Variants in PTPMT1 observed in about 807,000 individuals in gnomAD.
The protein encoded by PTPMT1 is protein tyrosine phosphatase mitochondrial 1.
Under a neutral mutation model 17.8 loss-of-function variants are expected in PTPMT1, and 12 were observed. The observed-to-expected ratio is 0.67, with a 90% CI of 0.43 to 1.09. PTPMT1 has a LOEUF of 1.09. Ranked by LOEUF, PTPMT1 falls within the 50% of genes least tolerant of loss-of-function variation. The probability of loss-of-function intolerance (pLI) is 0.00; values close to 1 mark genes in which losing one functional copy is unlikely to be tolerated. For synonymous variants in PTPMT1, 132 were observed against 116.8 expected (o/e 1.13, Z -0.84); for missense variants, 262 against 266.0 (o/e 0.99, Z 0.10).
chr11:47,567,828 G>C (rs1216905854), intron 2 of PTPMT1, among the ~76,000 whole-genome samples: 2 of 152,060 alleles, frequency 1.3e-5, no homozygotes, highest in Non-Finnish European at 2.9e-5. Context: ...TCAAAATCTG[G>C]GATTACAGGC....
At chr11:47,565,842 T>A (rs762676270) in intron 1 of PTPMT1, 46 bp downstream of exon 1, 5 of 1,603,962 alleles carry the variant, frequency 3.1e-6, no homozygotes, top group Non-Finnish European at 4.3e-6. Flanking sequence ...TCCCCGCCGC[T>A]CCGTCCCTGT....
intron 3 of PTPMT1, 88 bp from the exon 4 acceptor site, chr11:47,571,383 A>AC: frequency 8.8e-7 from 1 of 1,131,356 alleles, no homozygotes; most frequent in Non-Finnish European, 1.3e-6. Flanking sequence ...ATGAAATCTC[A>AC]GAGTCCTTTA....
At position 47,565,889 on chromosome 11, in the gene PTPMT1, C is replaced by T. The variant is rs1259228214; in HGVS notation, c.175-17C>T. 1.2e-6 allele frequency: 2 copies of T among 1,612,432 alleles called. No homozygotes were observed. On this transcript the variant is annotated splice_polypyrimidine_tract_variant and intron_variant, in intron 1 of 3. Transcript: ENST00000326674. ...GGTCTCCACCGTCTTTGCTGAGCCACCTCTTTGCCTCGGCAGCTGGTACAG... is the reference window on the plus strand; with the variant it reads ...GGTCTCCACCGTCTTTGCTGAGCCATCTCTTTGCCTCGGCAGCTGGTACAG...
chr11:47,566,556 T>A (rs965059923), intron 2 of PTPMT1, among the ~76,000 whole-genome samples: 2 of 151,292 alleles, frequency 1.3e-5, no homozygotes, highest in Non-Finnish European at 2.9e-5. Flanking sequence ...AAATGTAATG[T>A]ATTCTTATTT....
At position 47,572,792 on chromosome 11, in the gene PTPMT1, T is replaced by C. The variant is rs769773476; in HGVS notation, c.*1163T>C. ...AAAAGCCCCAAACAGAACACCTCCA[T>C]GGATTCAGGGAAGGGCTGAGGCACT... On this transcript the variant is annotated 3_prime_UTR_variant, in exon 4 of 4. Coordinates refer to ENST00000326674, the MANE Select transcript of PTPMT1 (RefSeq NM_175732.3). The C allele has an allele frequency of 2.0e-5, 18 of 895,598 alleles. No individual in the cohort carries two copies. Among genetic ancestry groups the C allele is most frequent in the Non-Finnish European group, 3.0e-5 (18 of 597,066 alleles). The allele number at this position is 895,598 out of a possible 1,614,324, so 55.5% of individuals were successfully genotyped here.
intron 1 of PTPMT1, 21 bp downstream of exon 1, chr11:47,565,817 C>G (rs1324239171): frequency 1.9e-6 from 3 of 1,585,686 alleles, no homozygotes; most frequent in South Asian, 2.3e-5. Context: ...CCGGGGAGCC[C>G]GGGCCCCTGC....
At position 47,565,915 on chromosome 11, in the gene PTPMT1, G is replaced by A; in HGVS notation, c.184G>A (p.Asp62Asn). The change falls in exon 2 of 4, where the codon GAC becomes AAC. Residue 62 changes from aspartate (D) to asparagine (N), a missense_variant. Asp to Asn is a conservative substitution (Grantham distance 23). Transcript: ENST00000326674. ...CTCTTTGCCTCGGCAGCTGGTACAG[G>A]ACGAGAACGTGCGCGGGGTGATCAC... ...LRSLTRQLVQ[D>N]ENVRGVITMN... The A allele has an allele frequency of 6.2e-7, 1 of 1,612,082 alleles. No individual in the cohort carries two copies.
chr11:47,566,132 C>T, intron 2 of PTPMT1, 146 bp downstream of exon 2: 7 of 864,672 alleles, frequency 8.1e-6, no homozygotes, highest in Non-Finnish European at 1.2e-5. Context: ...GTCTGTGCCT[C>T]TAAATGGCAC....
chr11:47,571,722 C>A lies in PTPMT1; in HGVS notation c.*93C>A. On this transcript the variant is annotated 3_prime_UTR_variant, in exon 4 of 4. Coordinates refer to ENST00000326674, the MANE Select transcript of PTPMT1 (RefSeq NM_175732.3). ...CAACAGGGCTTAAGCCCAGACTTGA[C>A]GTAACAGAAATGTGCCAATAGGTAA... 8.1e-7 allele frequency: 1 copy of A among 1,231,518 alleles called. No individual in the cohort carries two copies. Among genetic ancestry groups the A allele is most frequent in the Non-Finnish European group, 1.1e-6 (1 of 871,790 alleles). 76.3% of individuals were successfully genotyped at this position (1,231,518 alleles called of 1,614,324 possible).
In PTPMT1 at chr11:47,572,924, A is replaced by G; in HGVS notation, c.*1295A>G. The G allele has an allele frequency of 6.2e-7, 1 of 1,606,554 alleles. No homozygotes were observed. Among genetic ancestry groups the G allele is most frequent in the Non-Finnish European group, 8.5e-7 (1 of 1,174,614 alleles). On this transcript the variant is annotated 3_prime_UTR_variant, in exon 4 of 4. Coordinates refer to ENST00000326674, the MANE Select transcript of PTPMT1 (RefSeq NM_175732.3). The stretch of plus-strand genomic sequence containing the variant: ...AGTGAGCAGTTCTCCTCCCCTCCCC[A>G]CAGCCTTAGGCCAACACAAACTGCA...
intron 3 of PTPMT1, among the ~76,000 whole-genome samples, chr11:47,571,240 A>G (rs1461109979): frequency 2.0e-5 from 3 of 152,188 alleles, no homozygotes; most frequent in Non-Finnish European, 4.4e-5. Flanking sequence ...AGAATTGGGT[A>G]GAAAGACTGA....
rs2097250200 is a variant in PTPMT1, at chr11:47,572,199, C to T, written c.*570C>T. 6.5e-6 allele frequency: 1 copy of T among 153,038 alleles called. No homozygotes were observed. The highest frequency in any genetic ancestry group is 2.1e-4 in the South Asian group (1 of 4,846). The allele number at this position is 153,038 out of a possible 1,614,324, so 9.5% of individuals were successfully genotyped here. A position where few individuals can be genotyped will look rare whatever the true frequency, so the allele number is the denominator to read the frequency against. On this transcript the variant is annotated 3_prime_UTR_variant, in exon 4 of 4. Transcript: ENST00000326674. ...GGAATTCAACACAGACACACATATCCCTTCAAAAACTTTTATTTGTATCAA... is the reference window on the plus strand; with the variant it reads ...GGAATTCAACACAGACACACATATCTCTTCAAAAACTTTTATTTGTATCAA...
chr11:47,569,880 T>C lies in PTPMT1; in HGVS notation c.436T>C (p.Tyr146His). 1 of 1,612,284 alleles carries C rather than the reference T, an allele frequency of 6.2e-7. No individual in the cohort carries two copies. Among genetic ancestry groups the C allele is most frequent in the Non-Finnish European group, 8.5e-7 (1 of 1,179,350 alleles). Reference protein sequence around the residue: ...RSRSATMVAAYLIQVHKWSPE... With the variant: ...RSRSATMVAAHLIQVHKWSPE... ...CAGGAGTGCCACTATGGTGGCAGCA[T>C]ACCTGATTCAGGTACCAAAGTTCTT... Residue 146 changes from tyrosine to histidine, a missense_variant, in exon 3 of 4, where the codon TAC becomes CAC. Transcript: ENST00000326674.
Position 47,573,375 on chromosome 11 carries a change from G to A in PTPMT1, c.*1746G>A. ...GATCCCGTTGAGGTTGGCACCAGCA[G>A]CCCCTGACACAGCCACCTCTAGCTG... On this transcript the variant is annotated 3_prime_UTR_variant, in exon 4 of 4. Coordinates refer to ENST00000326674, the MANE Select transcript of PTPMT1 (RefSeq NM_175732.3). The surrounding 1 kb of genome is among the most constrained non-coding windows in gnomAD (Gnocchi z 4.1). 1 of 1,614,182 alleles carries A rather than the reference G, an allele frequency of 6.2e-7. No individual in the cohort carries two copies. Among genetic ancestry groups the A allele is most frequent in the Non-Finnish European group, 8.5e-7 (1 of 1,180,028 alleles).
At position 47,572,205 on chromosome 11, in the gene PTPMT1, A is replaced by G. The variant is rs2097250212; in HGVS notation, c.*576A>G. 2 of 152,934 alleles carry G rather than the reference A, an allele frequency of 1.3e-5. No individual in the cohort carries two copies. The highest frequency in any genetic ancestry group is 1.5e-5 in the Non-Finnish European group (1 of 68,268). 9.5% of individuals were successfully genotyped at this position (152,934 alleles called of 1,614,324 possible). A position where few individuals can be genotyped will look rare whatever the true frequency, so the allele number is the denominator to read the frequency against. ...CAACACAGACACACATATCCCTTCA[A>G]AAACTTTTATTTGTATCAACAGTTC... On this transcript the variant is annotated 3_prime_UTR_variant, in exon 4 of 4. Coordinates refer to ENST00000326674, the MANE Select transcript of PTPMT1 (RefSeq NM_175732.3).
rs767707941 is a variant in PTPMT1 at position 47,571,711 on chromosome 11, C to T, written c.*82C>T. 1.8e-5 allele frequency: 24 copies of T among 1,340,488 alleles called. No homozygotes were observed. Among genetic ancestry groups the T allele is most frequent in the Non-Finnish European group, 2.3e-5 (22 of 964,336 alleles). The allele number at this position is 1,340,488 out of a possible 1,614,324, so 83.0% of individuals were successfully genotyped here. A position where few individuals can be genotyped will look rare whatever the true frequency, so the allele number is the denominator to read the frequency against. On this transcript the variant is annotated 3_prime_UTR_variant, in exon 4 of 4. Coordinates refer to ENST00000326674, the MANE Select transcript of PTPMT1 (RefSeq NM_175732.3). Reference sequence around the variant, plus strand: ...CTTAACAGGACCAACAGGGCTTAAGCCCAGACTTGACGTAACAGAAATGTG... The same window carrying T: ...CTTAACAGGACCAACAGGGCTTAAGTCCAGACTTGACGTAACAGAAATGTG...
In PTPMT1 at chr11:47,571,717, C is replaced by A; in HGVS notation, c.*88C>A. On this transcript the variant is annotated 3_prime_UTR_variant, in exon 4 of 4. Transcript: ENST00000326674. ...AGGACCAACAGGGCTTAAGCCCAGA[C>A]TTGACGTAACAGAAATGTGCCAATA... The A allele has an allele frequency of 1.6e-6, 2 of 1,255,364 alleles. No homozygotes were observed. The highest frequency in any genetic ancestry group is 2.2e-6 in the Non-Finnish European group (2 of 891,212). 77.8% of individuals were successfully genotyped at this position (1,255,364 alleles called of 1,614,324 possible). A position where few individuals can be genotyped will look rare whatever the true frequency, so the allele number is the denominator to read the frequency against.
At chr11:47,571,361 GT>G in intron 3 of PTPMT1, 109 bp from the exon 4 acceptor site, 1 of 918,818 alleles carries the variant, frequency 1.1e-6, no homozygotes, top group Non-Finnish European at 1.6e-6. Context: ...GCAAAATAGA[GT>G]TTCCAAAGAA....
intron 3 of PTPMT1, among the ~76,000 whole-genome samples, chr11:47,570,650 A>G (rs2097249129): frequency 6.6e-6 from 1 of 152,212 alleles, no homozygotes; most frequent in African/African-American, 2.4e-5. Flanking sequence ...AGTTCTGGAT[A>G]TTAGTTTCTG....
Sources: gnomAD v4.1 joint callset for allele counts (sites outside exome capture counted in the v4.1 genomes callset) on GRCh38, gnomAD v4.1.1 for gene constraint, Gnocchi (gnomAD v3.1) non-coding constraint, MANE v1.5 for transcripts, NCBI Gene and HGNC (gene_info 2026-07-23, HGNC 2026-07-21) for gene names.